Variants in STXBP6 observed in about 807,000 individuals in gnomAD.
STXBP6 encodes the protein syntaxin-binding protein 6.
Under a neutral mutation model 26.9 loss-of-function variants are expected in STXBP6, and 21 were observed. The observed-to-expected ratio is 0.78, with a 90% CI of 0.55 to 1.12. The LOEUF is 1.12. Ranked by LOEUF, STXBP6 falls within the 50% of genes most tolerant of loss-of-function variation. STXBP6 has a pLI of 0.00. For synonymous variants in STXBP6, 97 were observed against 92.6 expected (o/e 1.05, Z -0.27); for missense variants, 232 against 257.9 (o/e 0.90, Z 0.69).
At chr14:24,844,328 G>A (rs2068876018) in intron 4 of STXBP6, among the ~76,000 whole-genome samples, 1 of 152,190 alleles carries the variant, frequency 6.6e-6, no homozygotes, top group African/African-American at 2.4e-5. Context: ...GGATTTCCCT[G>A]AGTTCTGTGA....
intron 2 of STXBP6, among the ~76,000 whole-genome samples, chr14:24,894,123 T>C (rs886296554): frequency 2.6e-5 from 4 of 152,188 alleles, no homozygotes; most frequent in African/African-American, 9.7e-5. Flanking sequence ...AAAATTCAGC[T>C]TGCATTTTAG....
chr14:24,858,905 A>C (rs2069436985), intron 2 of STXBP6, among the ~76,000 whole-genome samples: 1 of 152,118 alleles, frequency 6.6e-6, no homozygotes, highest in African/African-American at 2.4e-5. Flanking sequence ...GCACAAAGAG[A>C]ATTTCCTCCT....
intron 1 of STXBP6, among the ~76,000 whole-genome samples, chr14:24,998,050 T>C (rs17109472): frequency 0.033 from 4,987 of 152,300 alleles, 295 homozygotes; most frequent in African/African-American, 0.11. Context: ...TAGAAGTTGT[T>C]AGAAATTGAT....
At chr14:24,837,408 T>C (rs1413620159) in intron 4 of STXBP6, among the ~76,000 whole-genome samples, 1 of 152,216 alleles carries the variant, frequency 6.6e-6, no homozygotes, top group African/African-American at 2.4e-5. Context: ...CTGAAATTGC[T>C]ACCTAACTAT....
At chr14:24,817,800 G>T in intron 5 of STXBP6, 1 of 319,192 alleles carries the variant, frequency 3.1e-6, no homozygotes, top group Non-Finnish European at 6.1e-6. Flanking sequence ...TTTTCAGATA[G>T]ATCTAGCCAA....
intron 2 of STXBP6, among the ~76,000 whole-genome samples, chr14:24,956,020 C>T (rs1193203839): frequency 6.6e-6 from 1 of 152,134 alleles, no homozygotes; most frequent in East Asian, 1.9e-4. Flanking sequence ...AAACCCACAC[C>T]CTTTTCTCCA....
intron 2 of STXBP6, among the ~76,000 whole-genome samples, chr14:24,910,554 T>A (rs2071535778): frequency 6.6e-6 from 1 of 152,202 alleles, no homozygotes; most frequent in South Asian, 2.1e-4. Context: ...ATAAGAGAGG[T>A]TAGGTATGGT....
chr14:24,916,260 A>G (rs1392533180), intron 2 of STXBP6, among the ~76,000 whole-genome samples: 1 of 152,144 alleles, frequency 6.6e-6, no homozygotes, highest in African/African-American at 2.4e-5. Context: ...TTGACCAGGT[A>G]GAGAAGGCTC....
rs2067853652 is a variant in STXBP6 at position 24,812,604 on chromosome 14, A to G, written c.*105T>C. On this transcript the variant is annotated 3_prime_UTR_variant, in exon 6 of 6. Transcript: ENST00000323944. ...AAAACAAAAACCACTCTAAGTGTCC[A>G]AATATTGGAAAAAAAGAAGCAAGCG... The G allele has an allele frequency of 1.7e-6, 2 of 1,157,174 alleles. No homozygotes were observed. Among genetic ancestry groups the G allele is most frequent in the Non-Finnish European group, 2.6e-6 (2 of 780,304 alleles). The allele number at this position is 1,157,174 out of a possible 1,614,324, so 71.7% of individuals were successfully genotyped here. A position where few individuals can be genotyped will look rare whatever the true frequency, so the allele number is the denominator to read the frequency against.
At chr14:25,045,394 A>C (rs2075709472) in intron 1 of STXBP6, among the ~76,000 whole-genome samples, 1 of 152,030 alleles carries the variant, frequency 6.6e-6, no homozygotes, top group Non-Finnish European at 1.5e-5. Flanking sequence ...ACAGCACTTT[A>C]CCCAACATAT....
At chr14:24,984,217 T>G (rs1282130309) in intron 1 of STXBP6, among the ~76,000 whole-genome samples, 1 of 151,902 alleles carries the variant, frequency 6.6e-6, no homozygotes. Flanking sequence ...GGCAACAGAG[T>G]GAGACTCTGT....
intron 1 of STXBP6, among the ~76,000 whole-genome samples, chr14:25,015,991 T>C (rs754391370): frequency 5.3e-5 from 8 of 152,290 alleles, no homozygotes; most frequent in Non-Finnish European, 1.2e-4. Flanking sequence ...CTGTGTGACC[T>C]TGGAGACACT....
At chr14:25,042,248 T>C (rs971820642) in intron 1 of STXBP6, among the ~76,000 whole-genome samples, 1 of 152,168 alleles carries the variant, frequency 6.6e-6, no homozygotes, top group Non-Finnish European at 1.5e-5. Context: ...AGTAATAGCA[T>C]ATACTTTACA....
At chr14:25,004,441 A>T (rs1036718142) in intron 1 of STXBP6, among the ~76,000 whole-genome samples, 14 of 152,246 alleles carry the variant, frequency 9.2e-5, no homozygotes, top group African/African-American at 3.4e-4. Flanking sequence ...GGGGGAGGGA[A>T]GGGCAATACT....
rs959608704 is a variant in STXBP6 at position 24,988,459 on chromosome 14, A to G, written c.-32-13609T>C. On this transcript the variant is annotated intron_variant, in intron 1 of 5. Coordinates refer to ENST00000323944, the MANE Select transcript of STXBP6 (RefSeq NM_001394410.1). ...CTTCACAGCAGCAGAAGGGGCAAGT[A>G]CAGTTTAATCTTTCAGAGGCTGGTG... Among the ~76,000 whole-genome samples the G allele has an allele frequency of 1.4e-4, 22 of 152,248 alleles. 1 individual carries two copies. Among genetic ancestry groups the G allele is most frequent in the African/African-American group, 5.1e-4 (21 of 41,468 alleles).
chr14:24,995,608 A>G lies in STXBP6; in HGVS notation c.-32-20758T>C, dbSNP rs117616317. On this transcript the variant is annotated intron_variant, in intron 1 of 5. Transcript: ENST00000323944. ...ATAGCATTATTCTTACCTTCTATGGACTTCCTAACAAAACTGGTAAAAATA... is the reference window on the plus strand; with the variant it reads ...ATAGCATTATTCTTACCTTCTATGGGCTTCCTAACAAAACTGGTAAAAATA... 4.2e-3 allele frequency among the ~76,000 whole-genome samples: 640 copies of G among 152,278 alleles called. 13 individuals carry two copies. In the East Asian group the frequency reaches 0.045, roughly 11 times the overall value.
At chr14:24,831,589 T>G (rs78742702) in intron 4 of STXBP6, among the ~76,000 whole-genome samples, 7,829 of 152,242 alleles carry the variant, frequency 0.051, 675 homozygotes, top group African/African-American at 0.18. Flanking sequence ...TTAAGTTGTT[T>G]GAACCTCTAG....
chr14:24,923,219 T>C (rs2072043263), intron 2 of STXBP6, among the ~76,000 whole-genome samples: 2 of 152,168 alleles, frequency 1.3e-5, no homozygotes, highest in Admixed American at 1.3e-4. Flanking sequence ...CAATTTTTGT[T>C]ATAAACTTTA....
intron 1 of STXBP6, among the ~76,000 whole-genome samples, chr14:25,003,090 T>C (rs944120996): frequency 6.6e-6 from 1 of 152,228 alleles, no homozygotes; most frequent in Non-Finnish European, 1.5e-5. Context: ...TCTGCTTCAC[T>C]GACTTTCGGC....
Sources: gnomAD v4.1 joint callset for allele counts (sites outside exome capture counted in the v4.1 genomes callset) on GRCh38, gnomAD v4.1.1 for gene constraint, MANE v1.5 for transcripts, NCBI Gene and HGNC (gene_info 2026-07-23, HGNC 2026-07-21) for gene names.